Variants in COX10 observed in about 807,000 individuals in gnomAD.
COX10 encodes protoheme IX farnesyltransferase, mitochondrial.
COX10 carries 27 observed loss-of-function variants against 37.3 expected under a neutral mutation model. That is an observed-to-expected ratio of 0.72 (90% CI 0.53 to 1.00). COX10 has a LOEUF of 1.00. Among genes scored for constraint, COX10 ranks in the 50% least tolerant of loss-of-function variants. COX10 has a pLI of 0.00. For missense variants in COX10, 475 were observed against 563.2 expected (o/e 0.84, Z 1.59); for synonymous variants, 222 against 229.1 (o/e 0.97, Z 0.28).
chr17:14,135,775 G>A (rs1904344603), intron 4 of COX10, among the ~76,000 whole-genome samples: 1 of 151,844 alleles, frequency 6.6e-6, no homozygotes, highest in African/African-American at 2.4e-5. Flanking sequence ...TTGCAATTCA[G>A]TAATACCTGT....
At chr17:14,149,586 T>C (rs2142232129) in intron 4 of COX10, among the ~76,000 whole-genome samples, 1 of 152,282 alleles carries the variant, frequency 6.6e-6, no homozygotes, top group Middle Eastern at 3.4e-3. Flanking sequence ...TCTGGACTTT[T>C]CTCTTGGAGC....
chr17:14,162,049 G>A (rs1007945176), intron 5 of COX10, among the ~76,000 whole-genome samples: 1 of 152,098 alleles, frequency 6.6e-6, no homozygotes, highest in South Asian at 2.1e-4. Flanking sequence ...CTGTGATATT[G>A]TTCCCTCTAA....
Position 14,076,699 on chromosome 17 carries a change from C to A in COX10, c.178-36C>A, listed in dbSNP as rs200170786. ...AATAACCATTTGAGAGCATTTGGGG[C>A]CTTGGTTTTATAGTAATGTGTGCTT... On this transcript the variant is annotated intron_variant, in intron 2 of 6. Coordinates refer to ENST00000261643, the MANE Select transcript of COX10 (RefSeq NM_001303.4). 5.5e-5 allele frequency: 89 copies of A among 1,604,722 alleles called. No homozygotes were observed. In the East Asian group the frequency reaches 1.3e-3, roughly 23 times the overall value.
Position 14,149,988 on chromosome 17 carries a change from C to T in COX10, c.625-9889C>T, listed in dbSNP as rs888257143. ...CCTGAAGAAAAAAAGGAAAAGTTTACGGCCGGGCACAGTGACTCACGCCTG... is the reference window on the plus strand; with the variant it reads ...CCTGAAGAAAAAAAGGAAAAGTTTATGGCCGGGCACAGTGACTCACGCCTG... On this transcript the variant is annotated intron_variant, in intron 4 of 6. Coordinates refer to ENST00000261643, the MANE Select transcript of COX10 (RefSeq NM_001303.4). Among the ~76,000 whole-genome samples the T allele has an allele frequency of 7.2e-5, 11 of 152,112 alleles. No homozygotes were observed. In the East Asian group the frequency reaches 1.6e-3, roughly 21 times the overall value.
At chr17:14,202,720 C>A (rs1223654858) in intron 6 of COX10, among the ~76,000 whole-genome samples, 1 of 150,818 alleles carries the variant, frequency 6.6e-6, no homozygotes, top group Non-Finnish European at 1.5e-5. Context: ...CCTGAGTAAC[C>A]CCCCTCTGCC....
chr17:14,099,214 T>C (rs1054328825), intron 3 of COX10, among the ~76,000 whole-genome samples: 18 of 152,118 alleles, frequency 1.2e-4, no homozygotes, highest in Non-Finnish European at 2.2e-4. Flanking sequence ...CACACCATAT[T>C]TGGGAACAAC....
At chr17:14,097,591 C>T (rs1166291466) in intron 3 of COX10, among the ~76,000 whole-genome samples, 1 of 152,094 alleles carries the variant, frequency 6.6e-6, no homozygotes, top group Non-Finnish European at 1.5e-5. Context: ...ATCACCCCAT[C>T]AAGCTCTGGG....
At chr17:14,145,310 C>T (rs965965584) in intron 4 of COX10, among the ~76,000 whole-genome samples, 2 of 152,126 alleles carry the variant, frequency 1.3e-5, no homozygotes, top group Non-Finnish European at 2.9e-5. Flanking sequence ...TGGTTGTGTA[C>T]TTGTAATGAA....
chr17:14,190,221 G>A (rs977668938), intron 5 of COX10, among the ~76,000 whole-genome samples: 17 of 152,158 alleles, frequency 1.1e-4, no homozygotes, highest in African/African-American at 3.9e-4. Context: ...CTAAGCACCC[G>A]CACTGTTAAA....
At chr17:14,179,577 A>G (rs920897036) in intron 5 of COX10, among the ~76,000 whole-genome samples, 1 of 152,246 alleles carries the variant, frequency 6.6e-6, no homozygotes, top group Non-Finnish European at 1.5e-5. Context: ...ATAGATCGGT[A>G]CAAACAAGAA....
intron 4 of COX10, among the ~76,000 whole-genome samples, chr17:14,133,886 C>T (rs1037384203): frequency 1.3e-5 from 2 of 151,480 alleles, no homozygotes; most frequent in African/African-American, 4.8e-5. Context: ...CTTTATAGGG[C>T]ATAAGTGAGA....
chr17:14,112,431 C>G (rs1916023138), intron 4 of COX10, among the ~76,000 whole-genome samples: 1 of 152,090 alleles, frequency 6.6e-6, no homozygotes, highest in African/African-American at 2.4e-5. Context: ...ATATTCTTTG[C>G]TGTTATTTTC....
At chr17:14,128,110 T>C (rs920824345) in intron 4 of COX10, among the ~76,000 whole-genome samples, 1 of 152,082 alleles carries the variant, frequency 6.6e-6, no homozygotes, top group East Asian at 1.9e-4. Flanking sequence ...GTACCTCTAA[T>C]ACTAATAAGA....
chr17:14,084,873 T>C (rs1320004652), intron 3 of COX10, among the ~76,000 whole-genome samples: 1 of 152,178 alleles, frequency 6.6e-6, no homozygotes, highest in Non-Finnish European at 1.5e-5. Flanking sequence ...TTGGCCAGGC[T>C]GGTCTTGAAC....
At chr17:14,157,322 G>T (rs186298181) in intron 4 of COX10, among the ~76,000 whole-genome samples, 1 of 152,158 alleles carries the variant, frequency 6.6e-6, no homozygotes, top group Admixed American at 6.5e-5. Flanking sequence ...TAAGGAAATT[G>T]TATGGACTGA....
At chr17:14,137,677 CAT>C (rs145603146) in intron 4 of COX10, among the ~76,000 whole-genome samples, 3,883 of 152,006 alleles carry the variant, frequency 0.026, 97 homozygotes, top group East Asian at 0.11. Context: ...ATTTCCGACT[CAT>C]ATATAGGCTT....
At chr17:14,134,780 T>G (rs893578365) in intron 4 of COX10, among the ~76,000 whole-genome samples, 14 of 151,622 alleles carry the variant, frequency 9.2e-5, no homozygotes, top group African/African-American at 3.4e-4. Flanking sequence ...CTCGGTGTTT[T>G]TTTTTTTTTA....
chr17:14,198,355 C>T (rs570366637), intron 6 of COX10, among the ~76,000 whole-genome samples: 3 of 152,216 alleles, frequency 2.0e-5, no homozygotes, highest in Admixed American at 6.5e-5. Flanking sequence ...TCTGCTCCCC[C>T]TCCTTCTTGC....
At chr17:14,069,947 G>T (rs1048470085) in intron 1 of COX10, among the ~76,000 whole-genome samples, 1 of 152,162 alleles carries the variant, frequency 6.6e-6, no homozygotes, top group African/African-American at 2.4e-5. Context: ...GGAGAGGGCA[G>T]AGCAGAACCT....
Sources: allele counts gnomAD v4.1 joint callset (sites outside exome capture counted in the v4.1 genomes callset), GRCh38; gene constraint gnomAD v4.1.1; transcripts MANE v1.5; gene names NCBI Gene and HGNC (gene_info 2026-07-23, HGNC 2026-07-21).